ALMS1: variants seen among roughly 807,000 people sequenced by gnomAD.
ALMS1 encodes the protein centrosome-associated protein ALMS1.
Under a neutral mutation model 352.2 loss-of-function variants are expected in ALMS1, and 271 were observed. The observed-to-expected ratio is 0.77, with a 90% CI of 0.70 to 0.85. The LOEUF (loss-of-function observed/expected upper bound fraction) is 0.85. Among genes scored for constraint, ALMS1 ranks in the 40% least tolerant of loss-of-function variants. The pLI is 0.00. For synonymous variants in ALMS1, 1,865 were observed against 1,761.2 expected (o/e 1.06, Z -1.48); for missense variants, 5,445 against 4,870.7 (o/e 1.12, Z -3.51).
rs1292784460 is a variant in ALMS1, at chr2:73,484,266, C to T, written c.7675-5368C>T. On this transcript the variant is annotated intron_variant, in intron 9 of 22. Coordinates refer to ENST00000613296, the MANE Select transcript of ALMS1 (RefSeq NM_001378454.1). Reference sequence around the variant, plus strand: ...CTTCAGGAGCTCTTTTAGGGCAGGCCTAGTGGTGACAAAATCTCTCAGCAT... The same window carrying T: ...CTTCAGGAGCTCTTTTAGGGCAGGCTTAGTGGTGACAAAATCTCTCAGCAT... 4.6e-5 allele frequency among the ~76,000 whole-genome samples: 7 copies of T among 151,536 alleles called. 1 individual carries two copies. The highest frequency in any genetic ancestry group is 1.7e-4 in the African/African-American group (7 of 41,048).
At position 73,602,247 on chromosome 2, in the gene ALMS1, G is replaced by T. The variant is rs1573055527; in HGVS notation, c.12177G>T (p.Leu4059=). The change falls in exon 20 of 23, where the codon CTG becomes CTT. Residue 4059 remains leucine, a synonymous_variant. Transcript: ENST00000613296. The part of the protein sequence containing the change: ...ISRSGERIKR[L]KLIVQERKLQ... Reference sequence around the variant, plus strand: ...GCTCTGGGGAGCGGATAAAGCGCCTGAAGTTAATAGTCCAGGAGAGGAAGC... The same window carrying T: ...GCTCTGGGGAGCGGATAAAGCGCCTTAAGTTAATAGTCCAGGAGAGGAAGC... The T allele has an allele frequency of 6.2e-7, 1 of 1,614,188 alleles. No individual in the cohort carries two copies.
At chr2:73,497,439 G>A (rs1194477927) in intron 10 of ALMS1, among the ~76,000 whole-genome samples, 2 of 152,030 alleles carry the variant, frequency 1.3e-5, no homozygotes, top group South Asian at 2.1e-4. Flanking sequence ...GTTTTTTTAA[G>A]CCCATAGGTT....
chr2:73,586,258 A>G (rs562646856), intron 16 of ALMS1, among the ~76,000 whole-genome samples: 4 of 151,998 alleles, frequency 2.6e-5, no homozygotes, highest in Admixed American at 6.6e-5. Flanking sequence ...TGCAGGGCCC[A>G]TCTATTTATT....
chr2:73,526,088 G>C (rs1024356077), intron 11 of ALMS1, among the ~76,000 whole-genome samples: 1 of 152,076 alleles, frequency 6.6e-6, no homozygotes, highest in Admixed American at 6.6e-5. Flanking sequence ...GTTCACTGTA[G>C]GTGTGTGGAT....
At chr2:73,606,029 T>C (rs1675810041) in intron 21 of ALMS1, among the ~76,000 whole-genome samples, 2 of 152,158 alleles carry the variant, frequency 1.3e-5, no homozygotes, top group East Asian at 1.9e-4. Context: ...GACAGCAGAC[T>C]TAATACAGAA....
intron 7 of ALMS1, among the ~76,000 whole-genome samples, chr2:73,437,653 C>T (rs1671630691): frequency 6.6e-6 from 1 of 152,120 alleles, no homozygotes; most frequent in South Asian, 2.1e-4. Context: ...CTCATTTCTA[C>T]CAGTAAGATC....
chr2:73,526,292 T>A (rs1673789891), intron 11 of ALMS1, among the ~76,000 whole-genome samples: 1 of 152,134 alleles, frequency 6.6e-6, no homozygotes, highest in Non-Finnish European at 1.5e-5. Flanking sequence ...AATTTTAGGA[T>A]TTTTTCTATT....
chr2:73,454,088 T>A, intron 8 of ALMS1, 21 bp downstream of exon 8: 1 of 1,584,702 alleles, frequency 6.3e-7, no homozygotes, highest in Non-Finnish European at 8.6e-7. Context: ...AGTTTCAGGC[T>A]TATAAACGTT....
chr2:73,429,930 T>C (rs1418067978), intron 6 of ALMS1, among the ~76,000 whole-genome samples: 2 of 152,194 alleles, frequency 1.3e-5, no homozygotes, highest in Non-Finnish European at 2.9e-5. Context: ...CTTTCTTCAT[T>C]ATTGATTAAA....
chr2:73,556,063 A>G (rs1030595165), intron 13 of ALMS1, among the ~76,000 whole-genome samples: 1 of 152,210 alleles, frequency 6.6e-6, no homozygotes, highest in African/African-American at 2.4e-5. Context: ...GAATGGCATC[A>G]TTGGGAACAC....
At chr2:73,590,811 T>C (rs1675416742) in intron 16 of ALMS1, among the ~76,000 whole-genome samples, 1 of 151,938 alleles carries the variant, frequency 6.6e-6, no homozygotes. Flanking sequence ...CCTGAGTAGT[T>C]GGGATTACAG....
rs772059648 is a variant in ALMS1 at position 73,490,712 on chromosome 2, T to G, written c.8753T>G (p.Leu2918Arg). Residue 2918 changes from leucine (L) to arginine (R), a missense_variant, in exon 10 of 23, where the codon CTT becomes CGT. Transcript: ENST00000613296. ...PQHQDYVAPD[L>R]PSCIFLEQRE... ...CATCAGGATTATGTAGCTCCAGACC[T>G]TCCTTCTTGCATTTTTCTTGAACAA... 5 of 1,614,170 alleles carry G rather than the reference T, an allele frequency of 3.1e-6. No homozygotes were observed. Among genetic ancestry groups the G allele is most frequent in the East Asian group, 2.2e-5 (1 of 44,880 alleles).
chr2:73,436,420 TG>T (rs1404790491), intron 7 of ALMS1, among the ~76,000 whole-genome samples: 2 of 152,226 alleles, frequency 1.3e-5, no homozygotes, highest in Admixed American at 6.5e-5. Flanking sequence ...TAATATCTTT[TG>T]TCTAATTTGG....
Position 73,476,595 on chromosome 2 carries a change from T to C in ALMS1, c.7675-13039T>C, listed in dbSNP as rs527972430. ...GTTTTTTTTTGTTTTTTTTTTTCCT[T>C]CTTAATAATGGCTATTCTAACAGGT... On this transcript the variant is annotated intron_variant, in intron 9 of 22. Coordinates refer to ENST00000613296, the MANE Select transcript of ALMS1 (RefSeq NM_001378454.1). 3.3e-5 allele frequency among the ~76,000 whole-genome samples: 5 copies of C among 152,194 alleles called. No individual in the cohort carries two copies. In the East Asian group the frequency reaches 7.7e-4, roughly 23 times the overall value.
intron 16 of ALMS1, among the ~76,000 whole-genome samples, chr2:73,587,582 T>C (rs1675339222): frequency 6.6e-6 from 1 of 152,236 alleles, no homozygotes; most frequent in Non-Finnish European, 1.5e-5. Flanking sequence ...ATCACATTTA[T>C]TGACTTGTGC....
At chr2:73,423,223 G>A (rs1444766303) in intron 4 of ALMS1, among the ~76,000 whole-genome samples, 5 of 152,082 alleles carry the variant, frequency 3.3e-5, no homozygotes, top group Non-Finnish European at 7.4e-5. Context: ...GGCATTTCAG[G>A]CATATTTTAA....
intron 1 of ALMS1, among the ~76,000 whole-genome samples, chr2:73,391,291 A>ATTTTTTTTTTTT (rs1670639813): frequency 2.1e-5 from 2 of 96,786 alleles, no homozygotes; most frequent in African/African-American, 1.5e-4. Context: ...TATACGTTTT[A>ATTTTTTTTTTTT]TTCTTTTTTT....
intron 9 of ALMS1, among the ~76,000 whole-genome samples, chr2:73,461,365 C>A (rs1672197213): frequency 6.6e-6 from 1 of 152,206 alleles, no homozygotes; most frequent in Non-Finnish European, 1.5e-5. Context: ...GGACCTCTAG[C>A]AAACTCCCAA....
chr2:73,454,978 A>G (rs1672029866), intron 8 of ALMS1, among the ~76,000 whole-genome samples, 184 bp from the exon 9 acceptor site: 2 of 152,348 alleles, frequency 1.3e-5, no homozygotes, highest in Middle Eastern at 3.4e-3. Flanking sequence ...ACTTAAGAAA[A>G]TCAGACTTTG....
Sources: gnomAD v4.1 joint callset for allele counts (sites outside exome capture counted in the v4.1 genomes callset) on GRCh38, gnomAD v4.1.1 for gene constraint, MANE v1.5 for transcripts, NCBI Gene and HGNC (gene_info 2026-07-23, HGNC 2026-07-21) for gene names.